Variants in UNC5C observed in about 807,000 individuals in gnomAD.
The protein encoded by UNC5C is netrin receptor UNC5C.
In UNC5C, 47 loss-of-function variants were observed where a neutral mutation model predicts 99.8. That is an observed-to-expected ratio of 0.47 (90% CI 0.37 to 0.60). The LOEUF is 0.60. Among genes scored for constraint, UNC5C ranks in the 20% least tolerant of loss-of-function variants. UNC5C has a pLI of 0.00. For missense variants in UNC5C, 1,062 were observed against 1,165.9 expected, an observed-to-expected ratio of 0.91 and a Z score of 1.30; for synonymous variants, 487 against 452.2, an observed-to-expected ratio of 1.08 and a Z score of -0.98.
chr4:95,210,295 A>G (rs1323943375), intron 10 of UNC5C, among the ~76,000 whole-genome samples: 1 of 152,202 alleles, frequency 6.6e-6, no homozygotes, highest in Non-Finnish European at 1.5e-5. Context: ...TTAACAGGGA[A>G]TGAAAAACAA....
intron 12 of UNC5C, among the ~76,000 whole-genome samples, chr4:95,193,386 C>T (rs756492572): frequency 6.6e-6 from 1 of 152,176 alleles, no homozygotes; most frequent in African/African-American, 2.4e-5. Context: ...GTGCTGGAGC[C>T]GGCACAGGAG....
intron 1 of UNC5C, among the ~76,000 whole-genome samples, chr4:95,346,585 T>C (rs184622228): frequency 6.6e-6 from 1 of 152,036 alleles, no homozygotes; most frequent in Non-Finnish European, 1.5e-5. Flanking sequence ...TAATTCATCA[T>C]TGCCCAGTGG....
chr4:95,286,830 CTGA>C (rs1741253486), intron 3 of UNC5C, among the ~76,000 whole-genome samples: 1 of 152,158 alleles, frequency 6.6e-6, no homozygotes, highest in South Asian at 2.1e-4. Context: ...GACCCCAAAT[CTGA>C]TGACTAACAG....
At chr4:95,256,765 T>C (rs1225669623) in intron 4 of UNC5C, among the ~76,000 whole-genome samples, 1 of 147,944 alleles carries the variant, frequency 6.8e-6, no homozygotes, top group Non-Finnish European at 1.5e-5. Flanking sequence ...AGTCCCACGA[T>C]AGGCCTTCTG....
intron 2 of UNC5C, among the ~76,000 whole-genome samples, chr4:95,302,065 A>G (rs1741902588): frequency 6.6e-6 from 1 of 152,234 alleles, no homozygotes; most frequent in Non-Finnish European, 1.5e-5. Context: ...ATTGAAATAT[A>G]AACTTGAGTT....
At chr4:95,295,171 A>T (rs17432897) in intron 3 of UNC5C, among the ~76,000 whole-genome samples, 85,180 of 151,982 alleles carry the variant, frequency 0.56, 24,811 homozygotes, top group East Asian at 0.81. Context: ...CTGAACCTTA[A>T]GCTTTGGGAT....
intron 1 of UNC5C, among the ~76,000 whole-genome samples, chr4:95,377,204 A>G (rs1401624780): frequency 6.6e-6 from 1 of 152,134 alleles, no homozygotes; most frequent in Non-Finnish European, 1.5e-5. Context: ...TCAAAATCAC[A>G]CTTTTCAATT....
At chr4:95,520,420 A>G (rs777341005) in intron 1 of UNC5C, among the ~76,000 whole-genome samples, 1 of 152,158 alleles carries the variant, frequency 6.6e-6, no homozygotes, top group Non-Finnish European at 1.5e-5. Flanking sequence ...TCCAAAATGC[A>G]TAATGGTGAA....
At chr4:95,487,304 A>T (rs1220421635) in intron 1 of UNC5C, among the ~76,000 whole-genome samples, 1 of 151,772 alleles carries the variant, frequency 6.6e-6, no homozygotes, top group Non-Finnish European at 1.5e-5. Context: ...GTGCATAAAT[A>T]GTTATCTCTA....
At chr4:95,437,866 G>T (rs1746837486) in intron 1 of UNC5C, among the ~76,000 whole-genome samples, 1 of 152,066 alleles carries the variant, frequency 6.6e-6, no homozygotes, top group Admixed American at 6.6e-5. Flanking sequence ...AAATAGAGTG[G>T]TAGGATCTTT....
At chr4:95,503,676 T>A (rs185910421) in intron 1 of UNC5C, among the ~76,000 whole-genome samples, 83 of 152,286 alleles carry the variant, frequency 5.5e-4, no homozygotes, top group African/African-American at 1.8e-3. Context: ...AATAATAGAA[T>A]AATCAACATG....
intron 12 of UNC5C, among the ~76,000 whole-genome samples, chr4:95,187,996 TA>T (rs1471695037): frequency 2.6e-5 from 4 of 152,374 alleles, no homozygotes; most frequent in African/African-American, 7.2e-5. Flanking sequence ...TGCATATTTA[TA>T]AATTACATAT....
intron 1 of UNC5C, among the ~76,000 whole-genome samples, chr4:95,510,278 A>G (rs894208354): frequency 6.6e-6 from 1 of 152,034 alleles, no homozygotes; most frequent in African/African-American, 2.4e-5. Context: ...ATACTTTACT[A>G]TTATCAAGTA....
intron 7 of UNC5C, among the ~76,000 whole-genome samples, chr4:95,237,436 T>C (rs1480817303): frequency 1.3e-5 from 2 of 152,192 alleles, no homozygotes; most frequent in Non-Finnish European, 2.9e-5. Flanking sequence ...CTTTAAAGTA[T>C]TCATTAGTTT....
chr4:95,452,847 T>G (rs1225394235), intron 1 of UNC5C, among the ~76,000 whole-genome samples: 1 of 152,082 alleles, frequency 6.6e-6, no homozygotes, highest in African/African-American at 2.4e-5. Context: ...TCTTCAAACA[T>G]GAAGTGAAAG....
At chr4:95,191,728 C>T (rs1175522050) in intron 12 of UNC5C, among the ~76,000 whole-genome samples, 2 of 149,184 alleles carry the variant, frequency 1.3e-5, no homozygotes, top group African/African-American at 5.0e-5. Context: ...TGCTCACCTC[C>T]TCCCTTTCTC....
At chr4:95,358,351 A>G (rs1744281068) in intron 1 of UNC5C, among the ~76,000 whole-genome samples, 1 of 152,150 alleles carries the variant, frequency 6.6e-6, no homozygotes, top group Admixed American at 6.6e-5. Flanking sequence ...GTTGAGAGAA[A>G]ATGTTCATTA....
chr4:95,444,423 C>T (rs183680662), intron 1 of UNC5C, among the ~76,000 whole-genome samples: 1 of 152,016 alleles, frequency 6.6e-6, no homozygotes, highest in Admixed American at 6.6e-5. Flanking sequence ...ATCCGCCCCC[C>T]TGGCTTCACG....
intron 1 of UNC5C, among the ~76,000 whole-genome samples, chr4:95,531,793 T>C (rs1341741692): frequency 9.2e-5 from 14 of 152,210 alleles, no homozygotes; most frequent in Non-Finnish European, 2.1e-4. Context: ...ACTCACACCA[T>C]TGTGCCCTGC....
Sources: gnomAD v4.1 joint callset for allele counts (sites outside exome capture counted in the v4.1 genomes callset) on GRCh38, gnomAD v4.1.1 for gene constraint, MANE v1.5 for transcripts, NCBI Gene and HGNC (gene_info 2026-07-23, HGNC 2026-07-21) for gene names.